SSR2: variants seen among roughly 807,000 people sequenced by gnomAD.
SSR2 encodes translocon-associated protein subunit beta.
Under a neutral mutation model 22.6 loss-of-function variants are expected in SSR2, and 16 were observed. The ratio of observed to expected loss-of-function variants is 0.71; its 90% CI spans 0.48 to 1.08. The LOEUF (loss-of-function observed/expected upper bound fraction) is 1.08. Among genes scored for constraint, SSR2 ranks in the 50% least tolerant of loss-of-function variants. The probability of loss-of-function intolerance (pLI) is 0.00; values close to 1 mark genes in which losing one functional copy is unlikely to be tolerated. For synonymous variants in SSR2, 83 were observed against 91.2 expected (o/e 0.91, Z 0.51); for missense variants, 171 against 221.6 (o/e 0.77, Z 1.45).
intron 3 of SSR2, among the ~76,000 whole-genome samples, chr1:156,015,765 T>C (rs1683046486): frequency 6.6e-6 from 1 of 151,500 alleles, no homozygotes; most frequent in Non-Finnish European, 1.5e-5. Flanking sequence ...ATGGTATTTT[T>C]TTCCAGCTAA....
chr1:156,014,402 C>A (rs1019477818), intron 4 of SSR2: 1 of 152,296 alleles, frequency 6.6e-6, no homozygotes, highest in Non-Finnish European at 1.5e-5. Context: ...TGAGCCACCA[C>A]GTCTGGCCGC....
chr1:156,011,781 C>A (rs186787854), intron 5 of SSR2, 29 bp downstream of exon 5: 3 of 1,585,490 alleles, frequency 1.9e-6, no homozygotes, highest in Non-Finnish European at 2.6e-6. Context: ...TACCAAGGAA[C>A]TGATGAGAGA....
intron 5 of SSR2, chr1:156,010,223 T>A (rs1480536859): frequency 6.6e-6 from 1 of 152,106 alleles, no homozygotes; most frequent in East Asian, 1.9e-4. Context: ...CTGGCTAATT[T>A]TTTTTTTATT....
chr1:156,016,760 G>A (rs955330080), intron 3 of SSR2, among the ~76,000 whole-genome samples: 2 of 152,118 alleles, frequency 1.3e-5, no homozygotes, highest in Admixed American at 6.6e-5. Flanking sequence ...GGAGGGAATT[G>A]GATCATGGGG....
At chr1:156,020,544 C>A in intron 1 of SSR2, 1 of 307,136 alleles carries the variant, frequency 3.3e-6, no homozygotes, top group Non-Finnish European at 6.5e-6. Context: ...CAGGAGTGCC[C>A]ACAGCCTTCC....
At chr1:156,020,318 G>A (rs989565504) in intron 1 of SSR2, 151 bp from the exon 2 acceptor site, 1 of 724,440 alleles carries the variant, frequency 1.4e-6, no homozygotes, top group Non-Finnish European at 2.2e-6. Context: ...GAGCAGACCC[G>A]TTCTCCAGAC....
In SSR2 at chr1:156,020,036, G is replaced by C. The variant is rs1683123927; in HGVS notation, c.132C>G (p.Tyr44Ter). 2 of 1,613,900 alleles carry C rather than the reference G, an allele frequency of 1.2e-6. No homozygotes were observed. Among genetic ancestry groups the C allele is most frequent in the Non-Finnish European group, 8.5e-7 (1 of 1,179,978 alleles). Residue 44 changes from tyrosine (Y) to a stop codon, truncating the protein, a stop_gained, in exon 2 of 6, where the codon TAC becomes TAG. Transcript: ENST00000295702. LOFTEE classifies it high-confidence loss of function. ...ACCTTGAGCCAACATTGTAGATGTTGTACTGCAAGGTCAGGTCTCGTCCCT... is the reference window on the plus strand; with the variant it reads ...ACCTTGAGCCAACATTGTAGATGTTCTACTGCAAGGTCAGGTCTCGTCCCT... ...AVEGRDLTLQYNIYNVGSSAA... is the reference protein window; with the variant it reads ...AVEGRDLTLQ
chr1:156,009,337 C>T lies in SSR2; in HGVS notation c.*203G>A, dbSNP rs543875581. 5.9e-5 allele frequency: 31 copies of T among 528,728 alleles called. No individual in the cohort carries two copies. In the East Asian group the frequency reaches 8.4e-4, roughly 14 times the overall value. The allele number at this position is 528,728 out of a possible 1,614,324, so 32.8% of individuals were successfully genotyped here. On this transcript the variant is annotated 3_prime_UTR_variant, in exon 6 of 6. Coordinates refer to ENST00000295702, the MANE Select transcript of SSR2 (RefSeq NM_003145.4). ...AAAGGCATTCCTGTTTATGGCTTCA[C>T]GATGGAACCAAGGAGGCTCTCGCAG...
chr1:156,011,890 G>C lies in SSR2; in HGVS notation c.364-3C>G, dbSNP rs745635387. ...CCAGGTGCACTGGTAGAGCCAATCTGAAAAGAAGAAAAGAACGACATTAAG... is the reference window on the plus strand; with the variant it reads ...CCAGGTGCACTGGTAGAGCCAATCTCAAAAGAAGAAAAGAACGACATTAAG... On this transcript the variant is annotated splice_polypyrimidine_tract_variant and splice_region_variant and intron_variant, in intron 4 of 5. Transcript: ENST00000295702. 4.3e-6 allele frequency: 7 copies of C among 1,609,612 alleles called. No homozygotes were observed. Among genetic ancestry groups the C allele is most frequent in the Non-Finnish European group, 5.9e-6 (7 of 1,176,858 alleles).
intron 3 of SSR2, among the ~76,000 whole-genome samples, chr1:156,016,765 A>G (rs1683064323): frequency 6.6e-6 from 1 of 152,160 alleles, no homozygotes; most frequent in African/African-American, 2.4e-5. Flanking sequence ...GAATTGGATC[A>G]TGGGGGCAGA....
At chr1:156,017,412 C>T (rs993907079) in intron 3 of SSR2, among the ~76,000 whole-genome samples, 14 of 152,036 alleles carry the variant, frequency 9.2e-5, no homozygotes, top group Non-Finnish European at 1.5e-4. Context: ...TGCAGTGGCG[C>T]GATCTCAGCT....
intron 3 of SSR2, 99 bp downstream of exon 3, chr1:156,018,171 C>G: frequency 1.2e-6 from 1 of 831,072 alleles, no homozygotes; most frequent in Non-Finnish European, 2.1e-6. Context: ...GACAGGAGGA[C>G]AGCCACACAT....
At chr1:156,015,434 G>A (rs1683037383) in intron 3 of SSR2, among the ~76,000 whole-genome samples, 1 of 142,182 alleles carries the variant, frequency 7.0e-6, no homozygotes, top group South Asian at 2.3e-4. Flanking sequence ...TTGAACCCGG[G>A]AGGCGGAGGT....
chr1:156,019,509 C>A (rs570249524), intron 2 of SSR2, among the ~76,000 whole-genome samples: 1 of 152,042 alleles, frequency 6.6e-6, no homozygotes, highest in Admixed American at 6.6e-5. Context: ...CTCAGCCTCC[C>A]GAGTAGCTGG....
At chr1:156,017,400 A>G (rs1683072857) in intron 3 of SSR2, among the ~76,000 whole-genome samples, 1 of 152,166 alleles carries the variant, frequency 6.6e-6, no homozygotes, top group African/African-American at 2.4e-5. Context: ...CCCAGGCTAG[A>G]GTGCAGTGGC....
At chr1:156,020,272 A>G in intron 1 of SSR2, 105 bp from the exon 2 acceptor site, 1 of 1,238,740 alleles carries the variant, frequency 8.1e-7, no homozygotes, top group Non-Finnish European at 1.1e-6. Flanking sequence ...CTACCAGAAC[A>G]GCAGCCCCTT....
At chr1:156,017,897 G>A (rs1213294216) in intron 3 of SSR2, among the ~76,000 whole-genome samples, 2 of 150,652 alleles carry the variant, frequency 1.3e-5, no homozygotes, top group African/African-American at 2.4e-5. Context: ...CTATAGGTGC[G>A]CGCCATCATG....
intron 2 of SSR2, among the ~76,000 whole-genome samples, chr1:156,018,643 A>G (rs1266257710): frequency 6.8e-6 from 1 of 147,868 alleles, no homozygotes. Flanking sequence ...TGGGAGGCGG[A>G]GGTTGCAGTG....
chr1:156,020,048 C>T lies in SSR2; in HGVS notation c.120G>A (p.Leu40=), dbSNP rs768641620. ...LNRYAVEGRD[L]TLQYNIYNVG... is the part of the protein sequence containing the mutation. ...CATTGTAGATGTTGTACTGCAAGGT[C>T]AGGTCTCGTCCCTCCACGGCGTATC... The change falls in exon 2 of 6, where the codon CTG becomes CTA. Residue 40 remains leucine, a synonymous_variant. Transcript: ENST00000295702. 2 of 1,613,978 alleles carry T rather than the reference C, an allele frequency of 1.2e-6. No homozygotes were observed. The highest frequency in any genetic ancestry group is 2.2e-5 in the East Asian group (1 of 44,888).
Sources: gnomAD v4.1 joint callset for allele counts (sites outside exome capture counted in the v4.1 genomes callset) on GRCh38, gnomAD v4.1.1 for gene constraint, MANE v1.5 for transcripts, NCBI Gene and HGNC (gene_info 2026-07-23, HGNC 2026-07-21) for gene names.